CTNNA2: variants seen among roughly 807,000 people sequenced by gnomAD.
CTNNA2 encodes catenin alpha-2.
CTNNA2 carries 42 observed loss-of-function variants against 101.0 expected under a neutral mutation model. The observed-to-expected ratio is 0.42, with a 90% CI of 0.32 to 0.54. The LOEUF (loss-of-function observed/expected upper bound fraction) is 0.54. Ranked by LOEUF, CTNNA2 falls within the 20% of genes least tolerant of loss-of-function variation. CTNNA2 has a pLI of 0.14. For synonymous variants in CTNNA2, 450 were observed against 456.4 expected (o/e 0.99, Z 0.18); for missense variants, 871 against 1,223.1 (o/e 0.71, Z 4.29).
intron 2 of CTNNA2, among the ~76,000 whole-genome samples, chr2:79,672,933 T>C (rs1828477): frequency 0.34 from 52,372 of 151,806 alleles, 9,989 homozygotes; most frequent in East Asian, 0.71. Flanking sequence ...ATCTCGAACT[T>C]CTGACCTCAG....
At chr2:80,606,737 C>T (rs1025876103) in intron 16 of CTNNA2, among the ~76,000 whole-genome samples, 6 of 151,692 alleles carry the variant, frequency 4.0e-5, no homozygotes, top group East Asian at 1.9e-4. Flanking sequence ...TTTATTTTGC[C>T]GGAAAATATT....
intron 7 of CTNNA2, among the ~76,000 whole-genome samples, chr2:80,236,043 T>C (rs1553474049): frequency 2.0e-5 from 3 of 152,194 alleles, no homozygotes; most frequent in Non-Finnish European, 2.9e-5. Flanking sequence ...CTCCCACTTA[T>C]AAGTGAGAAC....
At chr2:79,976,146 A>G (rs764597106) in intron 7 of CTNNA2, among the ~76,000 whole-genome samples, 4 of 152,224 alleles carry the variant, frequency 2.6e-5, no homozygotes, top group Non-Finnish European at 5.9e-5. Context: ...AGAAGATCAA[A>G]TATGTATTTC....
chr2:79,622,627 A>G (rs889882858), intron 1 of CTNNA2, among the ~76,000 whole-genome samples: 11 of 152,202 alleles, frequency 7.2e-5, no homozygotes, highest in African/African-American at 2.4e-4. Context: ...GTTTATTTCA[A>G]CACAGGCAGA....
rs555693987 is a variant in CTNNA2 at position 80,445,369 on chromosome 2, A to T, written c.1290+25768A>T. Reference sequence around the variant, plus strand: ...GCTAAGTTTTGTATTTTTTGTAGTGATGGGGTTTTTCCGTGTTGTCCAGGC... The same window carrying T: ...GCTAAGTTTTGTATTTTTTGTAGTGTTGGGGTTTTTCCGTGTTGTCCAGGC... On this transcript the variant is annotated intron_variant, in intron 9 of 18. Coordinates refer to ENST00000402739, the MANE Select transcript of CTNNA2 (RefSeq NM_001282597.3). Among the ~76,000 whole-genome samples the T allele has an allele frequency of 1.8e-4, 27 of 151,752 alleles. No homozygotes were observed. The East Asian group carries it at 4.9e-3, about 27-fold the overall frequency.
At chr2:79,217,484 T>C (rs1372606165) in intron 2 of CTNNA2, among the ~76,000 whole-genome samples, 1 of 150,130 alleles carries the variant, frequency 6.7e-6, no homozygotes, top group African/African-American at 2.5e-5. Context: ...CAAAGGGGGG[T>C]TCTCTGGCGG....
At chr2:79,612,637 G>A (rs1305490374) in intron 1 of CTNNA2, among the ~76,000 whole-genome samples, 7 of 152,116 alleles carry the variant, frequency 4.6e-5, no homozygotes, top group Admixed American at 4.6e-4. Context: ...ATTGTAGAAT[G>A]AGCTCTGTTT....
intron 7 of CTNNA2, among the ~76,000 whole-genome samples, chr2:80,376,494 T>C (rs886752002): frequency 2.0e-5 from 3 of 151,380 alleles, no homozygotes; most frequent in Non-Finnish European, 4.4e-5. Flanking sequence ...GTAAGTAAAT[T>C]GTCTATGTAA....
At chr2:80,240,784 T>G (rs2149090543) in intron 7 of CTNNA2, among the ~76,000 whole-genome samples, 1 of 152,308 alleles carries the variant, frequency 6.6e-6, no homozygotes, top group South Asian at 2.1e-4. Context: ...ACCTGGGTTT[T>G]TAGGAAGAGA....
chr2:79,777,756 A>T (rs1323627023), intron 3 of CTNNA2, among the ~76,000 whole-genome samples: 1 of 152,208 alleles, frequency 6.6e-6, no homozygotes, highest in African/African-American at 2.4e-5. Context: ...AAAATATATT[A>T]TGTCCCAATT....
chr2:80,462,896 G>A (rs555267866), intron 9 of CTNNA2, among the ~76,000 whole-genome samples: 17 of 151,922 alleles, frequency 1.1e-4, no homozygotes, highest in Admixed American at 5.9e-4. Flanking sequence ...CTAGCTTCTC[G>A]TTGATCTTTT....
chr2:79,918,690 G>T (rs1457310187), intron 7 of CTNNA2, among the ~76,000 whole-genome samples: 2 of 152,160 alleles, frequency 1.3e-5, no homozygotes, highest in African/African-American at 2.4e-5. Flanking sequence ...AAGGCATTTT[G>T]GGTGGTGGGT....
chr2:79,426,762 A>T (rs1384570662), intron 4 of CTNNA2, among the ~76,000 whole-genome samples: 1 of 152,114 alleles, frequency 6.6e-6, no homozygotes, highest in Non-Finnish European at 1.5e-5. Context: ...TAAGGTCTAT[A>T]TCTTCTGTAA....
intron 2 of CTNNA2, among the ~76,000 whole-genome samples, chr2:79,728,085 A>C (rs189602818): frequency 1.3e-5 from 2 of 152,166 alleles, no homozygotes; most frequent in South Asian, 4.1e-4. Context: ...TCCTTTGGGT[A>C]TATACCCAGT....
intron 1 of CTNNA2, among the ~76,000 whole-genome samples, chr2:79,519,478 G>T (rs1351886515): frequency 6.6e-6 from 1 of 152,116 alleles, no homozygotes; most frequent in South Asian, 2.1e-4. Context: ...TAATTAATTT[G>T]TTATGTGATT....
At chr2:79,185,771 G>A (rs1188878787) in intron 1 of CTNNA2, among the ~76,000 whole-genome samples, 1 of 151,948 alleles carries the variant, frequency 6.6e-6, no homozygotes, top group Non-Finnish European at 1.5e-5. Context: ...AAGAAAACTG[G>A]TCATTTGGGG....
intron 2 of CTNNA2, among the ~76,000 whole-genome samples, chr2:79,659,446 T>TA (rs1211598927): frequency 6.6e-6 from 1 of 152,022 alleles, no homozygotes; most frequent in Non-Finnish European, 1.5e-5. Flanking sequence ...ACTACAGTGT[T>TA]ACCATAAGTT....
intron 7 of CTNNA2, among the ~76,000 whole-genome samples, chr2:80,184,077 A>C (rs184903544): frequency 8.1e-4 from 123 of 152,248 alleles, no homozygotes; most frequent in African/African-American, 2.8e-3. Context: ...AATAATAATA[A>C]TAATAATAAC....
intron 1 of CTNNA2, among the ~76,000 whole-genome samples, chr2:79,556,086 A>G (rs1674426349): frequency 6.6e-6 from 1 of 151,372 alleles, no homozygotes; most frequent in Non-Finnish European, 1.5e-5. Flanking sequence ...TTTATGATTG[A>G]GTAATATATC....
Sources: allele counts gnomAD v4.1 joint callset (sites outside exome capture counted in the v4.1 genomes callset), GRCh38; gene constraint gnomAD v4.1.1; transcripts MANE v1.5; gene names NCBI Gene and HGNC (gene_info 2026-07-23, HGNC 2026-07-21).